The following MTCL1 variants were observed in gnomAD, a reference collection of about 807,000 sequenced individuals.
MTCL1 encodes the protein microtubule crosslinking factor 1.
MTCL1 carries 79 observed loss-of-function variants against 141.4 expected under a neutral mutation model. The ratio of observed to expected loss-of-function variants is 0.56; its 90% confidence interval spans 0.47 to 0.67. The LOEUF is 0.67. MTCL1 is among the 30% of genes least tolerant of loss of function. The pLI is 0.00. For synonymous variants in MTCL1, 914 were observed against 875.8 expected, an observed-to-expected ratio of 1.04 and a Z score of -0.77; for missense variants, 2,177 against 2,113.9, an observed-to-expected ratio of 1.03 and a Z score of -0.59.
chr18:8,750,278 TC>T (rs779728004), intron 4 of MTCL1, among the ~76,000 whole-genome samples: 8 of 152,194 alleles, frequency 5.3e-5, no homozygotes, highest in Non-Finnish European at 1.0e-4. Context: ...ACTCCTGACC[TC>T]AAGTGATCTG....
At chr18:8,768,803 T>TTTTTTTTTTC (rs1328507801) in intron 4 of MTCL1, among the ~76,000 whole-genome samples, 1 of 147,830 alleles carries the variant, frequency 6.8e-6, no homozygotes. Flanking sequence ...TTTTTTTTTT[T>TTTTTTTTTTC]TTTTTTGAGA....
chr18:8,783,905 G>A (rs984085012), exon 6 of MTCL1: 16 of 1,613,404 alleles, frequency 9.9e-6, no homozygotes, highest in African/African-American at 2.7e-5. Context: ...CTCACCCTTC[G>A]GTGACTCCCT....
exon 10 of MTCL1, chr18:8,798,112 A>T (rs367822275): frequency 4.4e-6 from 7 of 1,589,430 alleles, no homozygotes; most frequent in Non-Finnish European, 6.0e-6. Flanking sequence ...ACATCCAGAG[A>T]CCCTCTCCAG....
rs925554167 is a variant in MTCL1 at position 8,733,113 on chromosome 18, G to C, written c.357+12617G>C. 9.9e-5 allele frequency among the ~76,000 whole-genome samples: 15 copies of C among 152,136 alleles called. No individual in the cohort carries two copies. In the South Asian group the frequency reaches 2.3e-3, roughly 23 times the overall value. ...CACACGTGGCTCATCTCTCCTGGCA[G>C]GGGGGAGGAAGGTGAGAGCTGAGGA... On this transcript the variant is annotated intron_variant, in intron 4 of 16. Coordinates refer to ENST00000359865, the Ensembl canonical transcript of MTCL1.
chr18:8,720,281 AC>A, intron 3 of MTCL1, 56 bp from the exon 3 acceptor site: 1 of 1,574,078 alleles, frequency 6.4e-7, no homozygotes, highest in Non-Finnish European at 8.7e-7. Context: ...GTCTGATAGT[AC>A]CCTTAGCACA....
At chr18:8,730,742 G>T (rs766980327) in intron 4 of MTCL1, among the ~76,000 whole-genome samples, 7 of 152,322 alleles carry the variant, frequency 4.6e-5, no homozygotes, top group Middle Eastern at 6.8e-3. Context: ...CCTTGGGATG[G>T]CTACCTTGGA....
chr18:8,796,572 T>G (rs2075928887), intron 9 of MTCL1, 110 bp downstream of exon 8: 1 of 1,124,576 alleles, frequency 8.9e-7, no homozygotes, highest in Non-Finnish European at 1.3e-6. Flanking sequence ...ATTTTATTTC[T>G]CAATATTTGG....
intron 4 of MTCL1, among the ~76,000 whole-genome samples, chr18:8,745,113 A>G (rs919923041): frequency 6.6e-6 from 1 of 152,266 alleles, no homozygotes; most frequent in Non-Finnish European, 1.5e-5. Flanking sequence ...AGTAAAGTTC[A>G]TGACCTCATT....
At chr18:8,799,135 C>T (rs569115844) in intron 10 of MTCL1, among the ~76,000 whole-genome samples, 6 of 152,242 alleles carry the variant, frequency 3.9e-5, no homozygotes, top group Non-Finnish European at 7.3e-5. Context: ...GGGCGCGGCT[C>T]TAGCCTCTCA....
chr18:8,783,685 G>A (rs1248011480), exon 6 of MTCL1: 5 of 1,610,692 alleles, frequency 3.1e-6, no homozygotes, highest in Non-Finnish European at 4.2e-6. Context: ...ACAGTCCCCT[G>A]CCCACGGGGG....
chr18:8,762,540 G>A (rs557740595), intron 4 of MTCL1, among the ~76,000 whole-genome samples: 14 of 152,388 alleles, frequency 9.2e-5, no homozygotes, highest in African/African-American at 3.4e-4. Context: ...TGGCCATGGA[G>A]AAGAATGGAT....
chr18:8,803,020 G>A (rs1236677445), intron 10 of MTCL1, among the ~76,000 whole-genome samples: 1 of 152,168 alleles, frequency 6.6e-6, no homozygotes, highest in Admixed American at 6.5e-5. Flanking sequence ...AACCCAGCAA[G>A]GGGTACCACC....
intron 8 of MTCL1, among the ~76,000 whole-genome samples, chr18:8,793,668 A>G (rs986374294): frequency 6.6e-6 from 1 of 152,184 alleles, no homozygotes; most frequent in Non-Finnish European, 1.5e-5. Context: ...CGCCCTGGAC[A>G]TCCATGAGAA....
intron 4 of MTCL1, among the ~76,000 whole-genome samples, chr18:8,765,442 G>A (rs1038327003): frequency 6.6e-6 from 1 of 152,214 alleles, no homozygotes; most frequent in Non-Finnish European, 1.5e-5. Flanking sequence ...TGCGCCAGAG[G>A]CAGCTGTGAT....
intron 4 of MTCL1, among the ~76,000 whole-genome samples, chr18:8,769,485 A>G (rs1276117640): frequency 6.6e-6 from 1 of 152,262 alleles, no homozygotes; most frequent in Non-Finnish European, 1.5e-5. Context: ...TAGCCAAAAC[A>G]TACCTAGTTT....
intron 3 of MTCL1, 118 bp downstream of exon 2, chr18:8,718,766 C>A: frequency 1.1e-6 from 1 of 918,958 alleles, no homozygotes; most frequent in Non-Finnish European, 1.7e-6. Context: ...GCAGCATAAA[C>A]AGTCTTGGTT....
At chr18:8,737,359 A>G (rs959122839) in intron 4 of MTCL1, among the ~76,000 whole-genome samples, 4 of 152,246 alleles carry the variant, frequency 2.6e-5, no homozygotes, top group Non-Finnish European at 5.9e-5. Context: ...TAGAGAAAGC[A>G]TTAAGAAGCT....
In MTCL1 at chr18:8,779,284, T is replaced by G. The variant is rs1388002310; in HGVS notation, c.417+1392T>G. Among the ~76,000 whole-genome samples the G allele has an allele frequency of 2.6e-5, 4 of 152,188 alleles. No individual in the cohort carries two copies. The highest frequency in any genetic ancestry group is 2.6e-4 in the Admixed American group (4 of 15,280). On this transcript the variant is annotated intron_variant, in intron 5 of 16. Transcript: ENST00000359865. The surrounding 1 kb of genome is among the most constrained non-coding windows in gnomAD (Gnocchi z 4.1). ...CTCCTGGCCATGCCTGCCCTCTGCC[T>G]GCAACAGGAATCGTGTGTCATATGG...
At chr18:8,748,900 A>T (rs1461925067) in intron 4 of MTCL1, among the ~76,000 whole-genome samples, 1 of 152,182 alleles carries the variant, frequency 6.6e-6, no homozygotes. Flanking sequence ...CTTGGGGGTC[A>T]TCACAGTCAC....
Sources: gnomAD v4.1 joint callset for allele counts (sites outside exome capture counted in the v4.1 genomes callset) on GRCh38, gnomAD v4.1.1 for gene constraint, Gnocchi (gnomAD v3.1) non-coding constraint, MANE v1.5 for transcripts, NCBI Gene and HGNC (gene_info 2026-07-23, HGNC 2026-07-21) for gene names.